The following ROBO1 variants were observed in gnomAD, a reference collection of about 807,000 sequenced individuals.
The protein encoded by ROBO1 is roundabout guidance receptor 1, also known as roundabout homolog 1.
Under a neutral mutation model 195.9 loss-of-function variants are expected in ROBO1, and 149 were observed. The observed-to-expected ratio is 0.76, with a 90% CI of 0.67 to 0.87. The LOEUF (loss-of-function observed/expected upper bound fraction) is 0.87. Among genes scored for constraint, ROBO1 ranks in the 40% least tolerant of loss-of-function variants. The pLI is 0.00. For synonymous variants in ROBO1, 816 were observed against 733.2 expected, an observed-to-expected ratio of 1.11 and a Z score of -1.82; for missense variants, 1,933 against 2,068.3, an observed-to-expected ratio of 0.93 and a Z score of 1.27.
At chr3:79,313,260 T>A (rs2109101340) in intron 2 of ROBO1, among the ~76,000 whole-genome samples, 1 of 152,056 alleles carries the variant, frequency 6.6e-6, no homozygotes, top group African/African-American at 2.4e-5. Context: ...GCAAAGAACA[T>A]TCTAGAGAGA....
chr3:78,635,818 C>A lies in ROBO1; in HGVS notation c.3328G>T (p.Ala1110Ser). 6.2e-7 allele frequency: 1 copy of A among 1,613,834 alleles called. No homozygotes were observed. The highest frequency in any genetic ancestry group is 8.5e-7 in the Non-Finnish European group (1 of 1,179,822). Residue 1110 changes from alanine to serine, a missense_variant, in exon 23 of 31, where the codon GCA (alanine) becomes TCA (serine). By Grantham distance (99) the Ala-to-Ser change is moderately conservative. This residue lies in a region of ROBO1 where 1,737 missense variants were observed against 1,882.5 expected (regional missense o/e 0.92). Transcript: ENST00000464233. ...KPLGQQKQEV[A>S]PVQYNIVEQN... ...TCCACGATGTTGTACTGAACTGGTG[C>A]CACTTCTTGTTTCTGCTGTCCCAGT...
At chr3:79,552,795 G>T (rs1942570230) in intron 2 of ROBO1, among the ~76,000 whole-genome samples, 1 of 152,070 alleles carries the variant, frequency 6.6e-6, no homozygotes, top group African/African-American at 2.4e-5. Context: ...CCAAGAAAAT[G>T]CAGCATTGCT....
At chr3:78,926,013 G>A (rs2107621341) in intron 4 of ROBO1, among the ~76,000 whole-genome samples, 1 of 152,142 alleles carries the variant, frequency 6.6e-6, no homozygotes, top group East Asian at 1.9e-4. Context: ...TGCCACTCCA[G>A]ATGCCCACCC....
At chr3:79,571,257 T>TA in intron 2 of ROBO1, among the ~76,000 whole-genome samples, 1 of 152,236 alleles carries the variant, frequency 6.6e-6, no homozygotes, top group African/African-American at 2.4e-5. Context: ...CCTGCATATC[T>TA]AGGGCTCCAG....
At chr3:79,734,055 C>A (rs138233145) in intron 1 of ROBO1, among the ~76,000 whole-genome samples, 1 of 151,488 alleles carries the variant, frequency 6.6e-6, no homozygotes, top group Non-Finnish European at 1.5e-5. Flanking sequence ...TCAAGCAATT[C>A]TCCTGCCTCA....
chr3:78,784,317 C>A (rs1265544853), intron 4 of ROBO1, among the ~76,000 whole-genome samples: 2 of 151,794 alleles, frequency 1.3e-5, no homozygotes, highest in Admixed American at 1.3e-4. Context: ...AATATCATGC[C>A]CGGCATATTC....
intron 1 of ROBO1, among the ~76,000 whole-genome samples, chr3:79,668,633 G>A (rs867429807): frequency 6.6e-6 from 1 of 151,232 alleles, no homozygotes; most frequent in African/African-American, 2.4e-5. Context: ...AATAAACATA[G>A]AAATAAGCAA....
chr3:78,941,590 G>A (rs904804567), intron 3 of ROBO1, among the ~76,000 whole-genome samples: 14 of 152,198 alleles, frequency 9.2e-5, no homozygotes, highest in African/African-American at 3.1e-4. Context: ...GGCCACCGAA[G>A]ATTGCCTGAG....
At chr3:78,660,877 A>G (rs1707350436) in intron 16 of ROBO1, 153 bp downstream of exon 16, 1 of 621,332 alleles carries the variant, frequency 1.6e-6, no homozygotes, top group Non-Finnish European at 2.7e-6. Flanking sequence ...CTAGTTTTCT[A>G]AATAAACAAA....
intron 3 of ROBO1, among the ~76,000 whole-genome samples, chr3:79,080,896 G>A (rs886259579): frequency 1.3e-5 from 2 of 151,870 alleles, no homozygotes; most frequent in Non-Finnish European, 2.9e-5. Context: ...AGTTTATCTT[G>A]GGATATATTT....
At chr3:78,647,261 AT>A (rs1706359546) in intron 20 of ROBO1, among the ~76,000 whole-genome samples, 1 of 152,000 alleles carries the variant, frequency 6.6e-6, no homozygotes, top group African/African-American at 2.4e-5. Flanking sequence ...AGGGAGAGAA[AT>A]TTTTGTTGGA....
chr3:78,901,253 CA>C lies in ROBO1; in HGVS notation c.499+37347del, dbSNP rs1329117494. On this transcript the variant is annotated intron_variant, in intron 4 of 30. Coordinates refer to ENST00000464233, the MANE Select transcript of ROBO1 (RefSeq NM_002941.4). Reference sequence around the variant, plus strand: ...TATTATGCCATGACAATCAAGAACACAGCAGATGCCACACCTGCAAATATTA... The same window carrying C: ...TATTATGCCATGACAATCAAGAACACGCAGATGCCACACCTGCAAATATTA... Among the ~76,000 whole-genome samples the C allele has an allele frequency of 3.3e-5, 5 of 152,268 alleles. No individual in the cohort carries two copies. The East Asian group carries it at 9.6e-4, about 29-fold the overall frequency.
chr3:79,602,237 A>T (rs1436851087), intron 1 of ROBO1, among the ~76,000 whole-genome samples: 1 of 152,042 alleles, frequency 6.6e-6, no homozygotes, highest in Non-Finnish European at 1.5e-5. Flanking sequence ...ATAGTAAGAG[A>T]GACATTAATG....
At chr3:79,128,893 C>A (rs1367638390) in intron 2 of ROBO1, among the ~76,000 whole-genome samples, 12 of 152,280 alleles carry the variant, frequency 7.9e-5, no homozygotes, top group East Asian at 7.7e-4. Context: ...AATGCCTCAT[C>A]CATGACAGCT....
intron 2 of ROBO1, among the ~76,000 whole-genome samples, chr3:79,348,210 CA>C (rs71127380): frequency 0.13 from 9,369 of 72,854 alleles, 321 homozygotes; most frequent in African/African-American, 0.16. Context: ...GACTCCATCT[CA>C]AAAAAAAAAA....
At chr3:79,201,113 C>A (rs550521102) in intron 2 of ROBO1, among the ~76,000 whole-genome samples, 2 of 152,018 alleles carry the variant, frequency 1.3e-5, no homozygotes, top group East Asian at 3.9e-4. Flanking sequence ...TCTTAATAGC[C>A]TATTCTGGAC....
At chr3:79,653,678 T>C (rs9815859) in intron 1 of ROBO1, among the ~76,000 whole-genome samples, 6,838 of 152,060 alleles carry the variant, frequency 0.045, 545 homozygotes, top group African/African-American at 0.16. Flanking sequence ...TTGTGTAATG[T>C]GTCTGTAGTA....
intron 3 of ROBO1, among the ~76,000 whole-genome samples, chr3:79,052,085 T>G (rs181158847): frequency 6.6e-6 from 1 of 152,156 alleles, no homozygotes; most frequent in East Asian, 1.9e-4. Flanking sequence ...TGACTGCTTG[T>G]GGGGCCGGGC....
At chr3:79,393,943 T>G (rs2037046247) in intron 2 of ROBO1, among the ~76,000 whole-genome samples, 1 of 152,038 alleles carries the variant, frequency 6.6e-6, no homozygotes, top group Non-Finnish European at 1.5e-5. Flanking sequence ...AAAAGAATCC[T>G]GCAGTGTGTA....
Sources: allele counts gnomAD v4.1 joint callset (sites outside exome capture counted in the v4.1 genomes callset), GRCh38; gene constraint gnomAD v4.1.1; regional missense constraint gnomAD v4.1.1; transcripts MANE v1.5; gene names NCBI Gene and HGNC (gene_info 2026-07-23, HGNC 2026-07-21).